The following DNTTIP1 variants were observed in gnomAD, a reference collection of about 807,000 sequenced individuals.
DNTTIP1 encodes deoxynucleotidyltransferase terminal-interacting protein 1.
A neutral mutation model predicts 52.9 loss-of-function variants in DNTTIP1; 22 were observed. The ratio of observed to expected loss-of-function variants is 0.42; its 90% confidence interval spans 0.30 to 0.59. The LOEUF is 0.59. Among genes scored for constraint, DNTTIP1 ranks in the 20% least tolerant of loss-of-function variants. The pLI is 0.22. For synonymous variants in DNTTIP1, 136 were observed against 155.1 expected (o/e 0.88, Z 0.92); for missense variants, 286 against 435.5 (o/e 0.66, Z 3.06).
At chr20:45,800,115 A>C (rs968995660) in intron 4 of DNTTIP1, among the ~76,000 whole-genome samples, 12 of 150,796 alleles carry the variant, frequency 8.0e-5, no homozygotes, top group Admixed American at 1.3e-4. Context: ...GCAAGATTCC[A>C]TGTCAAAAAA....
chr20:45,793,916 T>A lies in DNTTIP1; in HGVS notation c.177-5T>A. On this transcript the variant is annotated splice_polypyrimidine_tract_variant and splice_region_variant and intron_variant, in intron 2 of 12. Transcript: ENST00000372622. The stretch of plus-strand genomic sequence containing the variant: ...CCCCTCACCCTGTCTCCCTCCTGAA[T>A]GCAGTTTCACAGATCCTGCCATCTC... 1 of 1,577,920 alleles carries A rather than the reference T, an allele frequency of 6.3e-7. No homozygotes were observed. Among genetic ancestry groups the A allele is most frequent in the Non-Finnish European group, 8.6e-7 (1 of 1,159,832 alleles).
intron 4 of DNTTIP1, 47 bp from the exon 5 acceptor site, chr20:45,801,027 T>A: frequency 6.5e-7 from 1 of 1,548,922 alleles, no homozygotes; most frequent in Non-Finnish European, 8.9e-7. Flanking sequence ...AGGGTGTGCT[T>A]ACCCACCAAA....
chr20:45,810,608 C>G (rs1981796405), intron 11 of DNTTIP1, among the ~76,000 whole-genome samples: 1 of 142,520 alleles, frequency 7.0e-6, no homozygotes. Flanking sequence ...TTTCACCACA[C>G]CATTCAAGAG....
In DNTTIP1 at chr20:45,803,476, G is replaced by A. The variant is rs1981539755; in HGVS notation, c.603+98G>A. 3.0e-6 allele frequency: 4 copies of A among 1,337,614 alleles called. No homozygotes were observed. The South Asian group carries it at 3.7e-5, about 13-fold the overall frequency. The allele number at this position is 1,337,614 out of a possible 1,614,324, so 82.9% of individuals were successfully genotyped here. On this transcript the variant is annotated intron_variant, in intron 8 of 12. Coordinates refer to ENST00000372622, the MANE Select transcript of DNTTIP1 (RefSeq NM_052951.3). The stretch of plus-strand genomic sequence containing the variant: ...GGGAAAGGGGCAGGGGGCGAAGGGT[G>A]CATGCACACCATTCCAGAGCCATCT...
At position 45,791,974 on chromosome 20, in the gene DNTTIP1, G is replaced by A; in HGVS notation, c.-31G>A. The A allele has an allele frequency of 1.6e-6, 2 of 1,221,744 alleles. No individual in the cohort carries two copies. Among genetic ancestry groups the A allele is most frequent in the Non-Finnish European group, 2.1e-6 (2 of 973,490 alleles). The allele number at this position is 1,221,744 out of a possible 1,614,324, so 75.7% of individuals were successfully genotyped here. Reference sequence around the variant, plus strand: ...GCGCCACTTTCCGGCCGGTGACAGAGTCCAGCGGAGTTGTGGGGGCCGGGG... The same window carrying A: ...GCGCCACTTTCCGGCCGGTGACAGAATCCAGCGGAGTTGTGGGGGCCGGGG... On this transcript the variant is annotated 5_prime_UTR_variant, in exon 1 of 13. Transcript: ENST00000372622.
Position 45,811,349 on chromosome 20 carries a change from A to T in DNTTIP1, c.*154A>T. Reference sequence around the variant, plus strand: ...GTGACTCACTGCACAGCACCCCCAGACTAGCATGTGGTTCTATATTTGTAA... The same window carrying T: ...GTGACTCACTGCACAGCACCCCCAGTCTAGCATGTGGTTCTATATTTGTAA... On this transcript the variant is annotated 3_prime_UTR_variant, in exon 13 of 13. Coordinates refer to ENST00000372622, the MANE Select transcript of DNTTIP1 (RefSeq NM_052951.3). 1.4e-6 allele frequency: 1 copy of T among 732,018 alleles called. No homozygotes were observed. The highest frequency in any genetic ancestry group is 2.1e-6 in the Non-Finnish European group (1 of 467,296). The allele number at this position is 732,018 out of a possible 1,614,324, so 45.3% of individuals were successfully genotyped here.
At chr20:45,810,128 G>C (rs927499637) in intron 11 of DNTTIP1, among the ~76,000 whole-genome samples, 2 of 152,114 alleles carry the variant, frequency 1.3e-5, no homozygotes, top group African/African-American at 4.8e-5. Flanking sequence ...CACCTGATCT[G>C]TTATGGTTCA....
At position 45,792,057 on chromosome 20, in the gene DNTTIP1, G is replaced by A. The variant is rs1264533399; in HGVS notation, c.53G>A (p.Arg18Lys). 5 of 1,284,428 alleles carry A rather than the reference G, an allele frequency of 3.9e-6. No individual in the cohort carries two copies. Among genetic ancestry groups the A allele is most frequent in the Non-Finnish European group, 4.9e-6 (5 of 1,014,866 alleles). The allele number at this position is 1,284,428 out of a possible 1,614,324, so 79.6% of individuals were successfully genotyped here. A position where few individuals can be genotyped will look rare whatever the true frequency, so the allele number is the denominator to read the frequency against. Residue 18 changes from arginine (R) to lysine (K), a missense_variant, in exon 1 of 13, where the codon AGG becomes AAG. By Grantham distance (26) the Arg-to-Lys change is conservative. Around this residue, in one of 2 missense-constraint regions of DNTTIP1, gnomAD observed 208 missense variants for 266.5 expected, o/e 0.78. Coordinates refer to ENST00000372622, the MANE Select transcript of DNTTIP1 (RefSeq NM_052951.3). ...CCGCGGGGACCTAGCGGGGCCGAGA[G>A]GGGCGGCTTGGAGCTGGGGGATGCG... Reference protein sequence around the residue: ...EQPRGPSGAERGGLELGDAGA... With the variant: ...EQPRGPSGAEKGGLELGDAGA...
Position 45,809,694 on chromosome 20 carries a change from A to G in DNTTIP1, c.795+509A>G, listed in dbSNP as rs955786152. ...TCAGATCATATGAAACAGCAACCTT[A>G]GGAAAATCATCATTGCATGTGTTCA... is the stretch of plus-strand genomic sequence containing the variant. On this transcript the variant is annotated intron_variant, in intron 11 of 12. Coordinates refer to ENST00000372622, the MANE Select transcript of DNTTIP1 (RefSeq NM_052951.3). The surrounding 1 kb of genome is among the most constrained non-coding windows in gnomAD (Gnocchi z 4.2). 5.3e-5 allele frequency among the ~76,000 whole-genome samples: 8 copies of G among 152,250 alleles called. No individual in the cohort carries two copies. The highest frequency in any genetic ancestry group is 3.2e-3 in the Middle Eastern group (1 of 316).
Position 45,803,331 on chromosome 20 carries a change from A to G in DNTTIP1, c.558-2A>G. ...TCACCTTTATTCTTTCCTTCCAAGC[A>G]GATGGAAACCAAAATCCTGTGAACC... On this transcript the variant is annotated splice_acceptor_variant, in intron 7 of 12. Transcript: ENST00000372622. LOFTEE classifies it high-confidence loss of function. 6.2e-7 allele frequency: 1 copy of G among 1,614,194 alleles called. No individual in the cohort carries two copies. The highest frequency in any genetic ancestry group is 8.5e-7 in the Non-Finnish European group (1 of 1,180,016).
intron 10 of DNTTIP1, among the ~76,000 whole-genome samples, 161 bp downstream of exon 10, chr20:45,805,527 A>G (rs1981607759): frequency 6.6e-6 from 1 of 152,190 alleles, no homozygotes; most frequent in Admixed American, 6.5e-5. Context: ...GATTTACTCA[A>G]CACCTCTGTG....
chr20:45,802,135 G>A, intron 7 of DNTTIP1, 78 bp downstream of exon 7: 6 of 1,481,144 alleles, frequency 4.1e-6, no homozygotes, highest in Non-Finnish European at 4.7e-6. Context: ...AGAGTCCAGG[G>A]TTCTGTGCCT....
rs978901333 is a variant in DNTTIP1, at chr20:45,809,288, C to T, written c.795+103C>T. The stretch of plus-strand genomic sequence containing the variant: ...TACCTCCAAATCTGACTTCCAAAGC[C>T]TCACCAATGTGTGAGAAGAGAGACT... On this transcript the variant is annotated intron_variant, in intron 11 of 12. Coordinates refer to ENST00000372622, the MANE Select transcript of DNTTIP1 (RefSeq NM_052951.3). The surrounding 1 kb of genome is among the most constrained non-coding windows in gnomAD (Gnocchi z 4.2). 2 of 979,132 alleles carry T rather than the reference C, an allele frequency of 2.0e-6. No individual in the cohort carries two copies. The highest frequency in any genetic ancestry group is 3.2e-6 in the Non-Finnish European group (2 of 617,996). 60.7% of individuals were successfully genotyped at this position (979,132 alleles called of 1,614,324 possible).
rs903681425 is a variant in DNTTIP1, at chr20:45,792,682, T to C, written c.111T>C (p.Pro37=). 2 of 1,611,350 alleles carry C rather than the reference T, an allele frequency of 1.2e-6. No individual in the cohort carries two copies. Among genetic ancestry groups the C allele is most frequent in the South Asian group, 1.1e-5 (1 of 90,744 alleles). ...GAAGQLVLTN[P]WNIMIKHRQV... ...TGTTCCGTTGGTCCCCACAGAACCC[T>C]TGGAACATAATGATAAAGCACCGGC... The change falls in exon 2 of 13, where the codon CCT becomes CCC. Residue 37 remains proline, a synonymous_variant. Coordinates refer to ENST00000372622, the MANE Select transcript of DNTTIP1 (RefSeq NM_052951.3).
intron 10 of DNTTIP1, among the ~76,000 whole-genome samples, chr20:45,805,854 C>T (rs1311123918): frequency 3.3e-5 from 5 of 152,110 alleles, no homozygotes; most frequent in South Asian, 2.1e-4. Context: ...GAGGCCAAGG[C>T]GGGTGGATCA....
chr20:45,808,395 C>T (rs1462967079), intron 10 of DNTTIP1, among the ~76,000 whole-genome samples: 2 of 152,066 alleles, frequency 1.3e-5, no homozygotes, highest in African/African-American at 4.8e-5. Flanking sequence ...AATCCCAGCA[C>T]TTTGGGAGCC....
Position 45,811,162 on chromosome 20 carries a change from G to GC in DNTTIP1, c.958dup (p.His320ProfsTer5), listed in dbSNP as rs759566588. The GC allele has an allele frequency of 6.2e-7, 1 of 1,613,780 alleles. No individual in the cohort carries two copies. Among genetic ancestry groups the GC allele is most frequent in the Non-Finnish European group, 8.5e-7 (1 of 1,179,794 alleles). On this transcript the variant is annotated frameshift_variant, in exon 13 of 13. Coordinates refer to ENST00000372622, the MANE Select transcript of DNTTIP1 (RefSeq NM_052951.3). LOFTEE classifies it high-confidence loss of function. ...TGGAGACACTACGGACAGAGAATGA[G>GC]CATCGTGCTGTTGAAGCACCTCCAC...
chr20:45,801,227 C>G lies in DNTTIP1; in HGVS notation c.441+85C>G, dbSNP rs960528486. 4.2e-6 allele frequency: 6 copies of G among 1,433,932 alleles called. No individual in the cohort carries two copies. In the Admixed American group the frequency reaches 1.0e-4, roughly 24 times the overall value. The allele number at this position is 1,433,932 out of a possible 1,614,324, so 88.8% of individuals were successfully genotyped here. ...TGAAATATGTGGGCCCAGGGAGGTT[C>G]CATGTACTTCCATTTGTAGGACCAG... On this transcript the variant is annotated intron_variant, in intron 5 of 12. Transcript: ENST00000372622.
intron 4 of DNTTIP1, among the ~76,000 whole-genome samples, chr20:45,795,989 A>G (rs1035799373): frequency 1.3e-5 from 2 of 152,134 alleles, no homozygotes; most frequent in Non-Finnish European, 2.9e-5. Context: ...TGTACAGAAG[A>G]TATCTTTTAA....
Sources: gnomAD v4.1 joint callset for allele counts (sites outside exome capture counted in the v4.1 genomes callset) on GRCh38, gnomAD v4.1.1 for gene constraint, gnomAD v4.1.1 regional missense constraint, Gnocchi (gnomAD v3.1) non-coding constraint, MANE v1.5 for transcripts, NCBI Gene and HGNC (gene_info 2026-07-23, HGNC 2026-07-21) for gene names.